The following THNSL1 variants were observed in gnomAD, a reference collection of about 807,000 sequenced individuals.
THNSL1 encodes threonine synthase like 1.
In THNSL1, 48 loss-of-function variants were observed where a neutral mutation model predicts 50.4. That is an observed-to-expected ratio of 0.95 (90% CI 0.76 to 1.21). THNSL1 has a LOEUF of 1.21. Ranked by LOEUF, THNSL1 falls within the 50% of genes most tolerant of loss-of-function variation. The pLI is 0.00. For missense variants in THNSL1, 896 were observed against 871.7 expected, an observed-to-expected ratio of 1.03 and a Z score of -0.35; for synonymous variants, 309 against 306.1, an observed-to-expected ratio of 1.01 and a Z score of -0.10.
At chr10:24,982,935 A>G in the THNSL1 span, 5 of 152,276 alleles carry the variant, frequency 3.3e-5, no homozygotes, top group Non-Finnish European at 7.3e-5. Context: ...ACTTCAAAGC[A>G]TAATATCCAT....
the THNSL1 span, chr10:24,984,903 C>T: frequency 2.3e-5 from 37 of 1,610,436 alleles, no homozygotes; most frequent in Non-Finnish European, 3.1e-5. Flanking sequence ...TCTTTTTCAG[C>T]CCCTGCAAAT....
chr10:24,954,898 A>G, the THNSL1 span, among the ~76,000 whole-genome samples: 78 of 152,336 alleles, frequency 5.1e-4, no homozygotes, highest in Middle Eastern at 3.4e-3. Context: ...TTTATTCTTA[A>G]TCTTGCATTA....
the THNSL1 span, among the ~76,000 whole-genome samples, chr10:24,974,151 G>A: frequency 6.6e-6 from 1 of 152,146 alleles, no homozygotes. Context: ...AATGAGATGA[G>A]AATGGGGCAG....
At chr10:24,999,727 C>T in the THNSL1 span, among the ~76,000 whole-genome samples, 1 of 152,162 alleles carries the variant, frequency 6.6e-6, no homozygotes, top group Non-Finnish European at 1.5e-5. Context: ...TAGATGGAAG[C>T]TCTGCCCTAA....
the THNSL1 span, among the ~76,000 whole-genome samples, chr10:24,963,955 CA>C: frequency 3.3e-4 from 50 of 151,984 alleles, no homozygotes; most frequent in African/African-American, 1.2e-3. Flanking sequence ...CAGAAGTACC[CA>C]GGTTTGTAAA....
At chr10:24,960,055 C>T in the THNSL1 span, among the ~76,000 whole-genome samples, 4 of 151,978 alleles carry the variant, frequency 2.6e-5, no homozygotes, top group South Asian at 8.4e-4. Context: ...TCCCCCACCC[C>T]CTTTCCCATT....
chr10:25,024,281 T>C lies in THNSL1; in HGVS notation c.1058T>C (p.Leu353Ser). The stretch of plus-strand genomic sequence containing the variant: ...GGACCAACAGGATCATTTAAAGATT[T>C]GTCTTTACAGCTTATGCCTCATATT... ...FHGPTGSFKD[L>S]SLQLMPHIFA... Residue 353 changes from leucine to serine, a missense_variant, in exon 3 of 3, where the codon TTG becomes TCG. Coordinates refer to ENST00000376356, the MANE Select transcript of THNSL1 (RefSeq NM_024838.5). 6.2e-7 allele frequency: 1 copy of C among 1,614,224 alleles called. No homozygotes were observed. Among genetic ancestry groups the C allele is most frequent in the Non-Finnish European group, 8.5e-7 (1 of 1,180,022 alleles).
Position 25,024,937 on chromosome 10 carries a change from C to T in THNSL1, c.1714C>T (p.Leu572=), listed in dbSNP as rs1454554472. The change falls in exon 3 of 3, where the codon CTA becomes TTA. Residue 572 remains leucine (L), a synonymous_variant. Transcript: ENST00000376356. ...PSIDILKSSN[L]ERHLHLMANK... ...AATAGATATTCTCAAATCTTCAAAC[C>T]TAGAACGACATTTACACTTGATGGC... 2 of 1,613,952 alleles carry T rather than the reference C, an allele frequency of 1.2e-6. No individual in the cohort carries two copies. Among genetic ancestry groups the T allele is most frequent in the Non-Finnish European group, 1.7e-6 (2 of 1,180,014 alleles).
the THNSL1 span, among the ~76,000 whole-genome samples, chr10:24,980,071 CACTA>C: frequency 2.6e-5 from 4 of 152,194 alleles, no homozygotes; most frequent in Non-Finnish European, 5.9e-5. Context: ...CCAACTAGTC[CACTA>C]ACTAATCTCC....
At chr10:24,964,619 T>C in the THNSL1 span, among the ~76,000 whole-genome samples, 3 of 152,234 alleles carry the variant, frequency 2.0e-5, no homozygotes, top group Non-Finnish European at 4.4e-5. Flanking sequence ...CCAAGATTCA[T>C]TGATATTACT....
At chr10:24,952,394 G>T in the THNSL1 span, 1 of 1,060,016 alleles carries the variant, frequency 9.4e-7, no homozygotes, top group Non-Finnish European at 1.4e-6. This position sits in a 1 kb window ranked among gnomAD's most constrained non-coding sequence, Gnocchi z 5.1. Context: ...GGATGGAAGC[G>T]ATCCCCGCCG....
chr10:24,970,159 A>G, the THNSL1 span, among the ~76,000 whole-genome samples: 2 of 152,180 alleles, frequency 1.3e-5, no homozygotes, highest in Admixed American at 6.5e-5. Context: ...GATGATCTGT[A>G]CTCCCATAGG....
At chr10:24,952,673 CGGGGA>C in the THNSL1 span, 1 of 54,442 alleles carries the variant, frequency 1.8e-5, no homozygotes, top group South Asian at 1.9e-4. The surrounding 1 kb of genome is among the most constrained non-coding windows in gnomAD (Gnocchi z 5.1). Flanking sequence ...GGGACGGGGA[CGGGGA>C]CGGGGACGGG....
At chr10:24,998,369 CTCTCTCTCTCTCTT>C in the THNSL1 span, among the ~76,000 whole-genome samples, 1 of 133,604 alleles carries the variant, frequency 7.5e-6, no homozygotes, top group African/African-American at 2.8e-5. Flanking sequence ...CTCTCTCTCT[CTCTCTCTCTCTCTT>C]TCTTTTTTTG....
the THNSL1 span, among the ~76,000 whole-genome samples, chr10:25,005,976 G>C: frequency 2.0e-5 from 3 of 152,226 alleles, no homozygotes; most frequent in East Asian, 5.8e-4. Flanking sequence ...TGCCACATGC[G>C]GAAATCATAG....
At chr10:25,015,907 A>C (rs1436834598), upstream of THNSL1, 1 of 1,608,450 alleles carries the variant, frequency 6.2e-7, no homozygotes, top group Non-Finnish European at 8.5e-7. Context: ...TGAGGTTATA[A>C]ATGCACTCAG....
At chr10:24,978,043 A>G in the THNSL1 span, among the ~76,000 whole-genome samples, 1 of 152,204 alleles carries the variant, frequency 6.6e-6, no homozygotes, top group Admixed American at 6.5e-5. Flanking sequence ...CCTCGTTTAG[A>G]ATAAAAAATC....
chr10:24,976,284 T>C, the THNSL1 span, among the ~76,000 whole-genome samples: 34 of 152,150 alleles, frequency 2.2e-4, no homozygotes, highest in Middle Eastern at 3.4e-3. Flanking sequence ...AATCTAGAGT[T>C]AATAAACAAG....
chr10:24,982,618 C>T, the THNSL1 span: 4 of 152,190 alleles, frequency 2.6e-5, no homozygotes, highest in Non-Finnish European at 4.4e-5. Context: ...CTGTCCAAGT[C>T]AGATGTTTGT....
Sources: gnomAD v4.1 joint callset for allele counts (sites outside exome capture counted in the v4.1 genomes callset) on GRCh38, gnomAD v4.1.1 for gene constraint, Gnocchi (gnomAD v3.1) non-coding constraint, MANE v1.5 for transcripts, NCBI Gene and HGNC (gene_info 2026-07-23, HGNC 2026-07-21) for gene names.